The following SLIT3 variants were observed in gnomAD, a reference collection of about 807,000 sequenced individuals.
The protein encoded by SLIT3 is slit guidance ligand 3.
In SLIT3, 68 loss-of-function variants were observed where a neutral mutation model predicts 184.0. The ratio of observed to expected loss-of-function variants is 0.37; its 90% CI spans 0.30 to 0.45. SLIT3 has a LOEUF of 0.45. SLIT3 is among the 20% of genes least tolerant of loss of function. The probability of loss-of-function intolerance (pLI) is 1.00; values close to 1 mark genes in which losing one functional copy is unlikely to be tolerated. For missense variants in SLIT3, 1,707 were observed against 2,026.0 expected, an observed-to-expected ratio of 0.84 and a Z score of 3.02; for synonymous variants, 831 against 828.6, an observed-to-expected ratio of 1.00 and a Z score of -0.05.
chr5:168,945,107 G>GACCCT (rs2113218896), intron 4 of SLIT3, among the ~76,000 whole-genome samples: 1 of 152,274 alleles, frequency 6.6e-6, no homozygotes, highest in Non-Finnish European at 1.5e-5. Flanking sequence ...AAGGGAATGG[G>GACCCT]ACCCTGCTAG....
chr5:168,697,611 C>T (rs1367687963), intron 27 of SLIT3, among the ~76,000 whole-genome samples: 3 of 152,190 alleles, frequency 2.0e-5, no homozygotes, highest in African/African-American at 7.2e-5. Flanking sequence ...AAAAAGTAAA[C>T]TACACTCAGC....
chr5:169,068,230 G>T (rs566704529), intron 4 of SLIT3, among the ~76,000 whole-genome samples: 1 of 151,936 alleles, frequency 6.6e-6, no homozygotes, highest in East Asian at 1.9e-4. Context: ...AAAAAAGAGA[G>T]GAAGAGAAAG....
chr5:168,748,002 C>T (rs554840736), intron 20 of SLIT3, among the ~76,000 whole-genome samples: 1 of 152,002 alleles, frequency 6.6e-6, no homozygotes, highest in Non-Finnish European at 1.5e-5. Flanking sequence ...AGGGGTGATA[C>T]GGAAAATGAG....
At chr5:169,071,369 CTAA>C (rs1758539217) in intron 4 of SLIT3, among the ~76,000 whole-genome samples, 1 of 145,214 alleles carries the variant, frequency 6.9e-6, no homozygotes, top group Non-Finnish European at 1.5e-5. Context: ...CTATATTTCT[CTAA>C]GAAGTAGCAG....
intron 4 of SLIT3, among the ~76,000 whole-genome samples, chr5:169,060,716 G>A (rs1654680143): frequency 6.6e-6 from 1 of 152,228 alleles, no homozygotes; most frequent in African/African-American, 2.4e-5. Flanking sequence ...CTGACCAGGA[G>A]CAGAGCTCAG....
At chr5:168,733,325 C>T (rs923078962) in intron 20 of SLIT3, among the ~76,000 whole-genome samples, 2 of 152,084 alleles carry the variant, frequency 1.3e-5, no homozygotes, top group African/African-American at 4.8e-5. Context: ...AAGGAATGCT[C>T]ATATGCTACT....
intron 4 of SLIT3, among the ~76,000 whole-genome samples, chr5:169,172,171 G>C (rs577191482): frequency 9.2e-5 from 14 of 152,346 alleles, no homozygotes; most frequent in African/African-American, 3.4e-4. Context: ...AGGCCATGTT[G>C]AGATTGAAAT....
At chr5:169,129,948 G>A (rs147419729) in intron 4 of SLIT3, among the ~76,000 whole-genome samples, 199 of 152,032 alleles carry the variant, frequency 1.3e-3, no homozygotes, top group African/African-American at 4.4e-3. Context: ...TCCTGGGTTC[G>A]AGCGATTCTC....
At chr5:168,978,932 G>A (rs1754857054) in intron 4 of SLIT3, among the ~76,000 whole-genome samples, 1 of 148,776 alleles carries the variant, frequency 6.7e-6, no homozygotes, top group East Asian at 2.0e-4. Context: ...GTAGGTGGGG[G>A]TGGGGTGGCT....
intron 2 of SLIT3, among the ~76,000 whole-genome samples, chr5:169,246,562 A>G (rs989034950): frequency 2.6e-5 from 4 of 152,220 alleles, no homozygotes; most frequent in African/African-American, 9.7e-5. Context: ...AAAAGTTCTT[A>G]CGAGAACAAA....
intron 4 of SLIT3, among the ~76,000 whole-genome samples, chr5:169,095,341 T>C (rs1759737605): frequency 1.3e-5 from 2 of 152,330 alleles, no homozygotes; most frequent in South Asian, 4.1e-4. Context: ...TTACATGTTA[T>C]GGCAGCCATT....
At chr5:169,229,615 G>A (rs561817786) in intron 3 of SLIT3, among the ~76,000 whole-genome samples, 64 of 151,192 alleles carry the variant, frequency 4.2e-4, no homozygotes, top group African/African-American at 1.6e-3. Context: ...GAGTAAAAAT[G>A]TAAAGCGTAC....
At chr5:169,272,832 G>A (rs911292313) in intron 1 of SLIT3, among the ~76,000 whole-genome samples, 2 of 152,124 alleles carry the variant, frequency 1.3e-5, no homozygotes, top group Admixed American at 1.3e-4. Context: ...CTGGGCCCCC[G>A]GGACCTGGGC....
chr5:169,235,800 C>G (rs11746919), intron 3 of SLIT3, among the ~76,000 whole-genome samples: 77,803 of 152,004 alleles, frequency 0.51, 20,168 homozygotes, highest in Middle Eastern at 0.54. Flanking sequence ...TGATGGGTTT[C>G]GGGGAGGAAG....
At chr5:169,084,454 ATTTTTTTTTTTTT>A (rs56062027) in intron 4 of SLIT3, among the ~76,000 whole-genome samples, 2 of 101,418 alleles carry the variant, frequency 2.0e-5, no homozygotes. Flanking sequence ...CCATGCCCAG[ATTTTTTTTTTTTT>A]TTTTTTTTTT....
rs193027747 is a variant in SLIT3, at chr5:168,858,645, C to T, written c.486-13990G>A. Among the ~76,000 whole-genome samples, 287 of 152,370 alleles carry T rather than the reference C, an allele frequency of 1.9e-3. 1 individual carries two copies. Among genetic ancestry groups the T allele is most frequent in the Middle Eastern group, 3.4e-3 (1 of 294 alleles). On this transcript the variant is annotated intron_variant, in intron 5 of 35. Transcript: ENST00000519560. ...TCTGAGCTCCCTCAGCTGCTCCTGGCCCTCCTGGCCCTTGGAAGCCTGTCC... is the reference window on the plus strand; with the variant it reads ...TCTGAGCTCCCTCAGCTGCTCCTGGTCCTCCTGGCCCTTGGAAGCCTGTCC...
intron 3 of SLIT3, among the ~76,000 whole-genome samples, chr5:169,213,999 A>T (rs900207345): frequency 6.6e-6 from 1 of 152,208 alleles, no homozygotes; most frequent in Non-Finnish European, 1.5e-5. Context: ...GACAGCAGGC[A>T]TCATCCACTT....
intron 17 of SLIT3, 31 bp from the exon 18 acceptor site, chr5:168,753,129 AC>A: frequency 6.2e-7 from 1 of 1,611,772 alleles, no homozygotes; most frequent in Non-Finnish European, 8.5e-7. Flanking sequence ...ATGAGAGAGC[AC>A]AGGCATGATC....
At chr5:169,249,809 C>A (rs2113591282) in intron 2 of SLIT3, among the ~76,000 whole-genome samples, 1 of 152,324 alleles carries the variant, frequency 6.6e-6, no homozygotes, top group African/African-American at 2.4e-5. Flanking sequence ...GCTGCTGGGG[C>A]AAAAGACTTG....
Sources: gnomAD v4.1 joint callset for allele counts (sites outside exome capture counted in the v4.1 genomes callset) on GRCh38, gnomAD v4.1.1 for gene constraint, MANE v1.5 for transcripts, NCBI Gene and HGNC (gene_info 2026-07-23, HGNC 2026-07-21) for gene names.